HEATR9: variants seen among roughly 807,000 people sequenced by gnomAD.
The protein encoded by HEATR9 is HEAT repeat containing 9.
A neutral mutation model predicts 68.2 loss-of-function variants in HEATR9; 54 were observed. The ratio of observed to expected loss-of-function variants is 0.79; its 90% CI spans 0.64 to 0.99. The LOEUF (loss-of-function observed/expected upper bound fraction) is 0.99, where lower values mean the gene tolerates loss of function less well. Among genes scored for constraint, HEATR9 ranks in the 50% least tolerant of loss-of-function variants. HEATR9 has a pLI of 0.00. For missense variants in HEATR9, 662 were observed against 679.7 expected, an observed-to-expected ratio of 0.97 and a Z score of 0.29; for synonymous variants, 241 against 253.5, an observed-to-expected ratio of 0.95 and a Z score of 0.47.
rs371992105 is a variant in HEATR9, at chr17:35,857,525, C to T, written c.1152+675G>A. On this transcript the variant is annotated intron_variant, in intron 11 of 14. Coordinates refer to ENST00000604834, the MANE Select transcript of HEATR9 (RefSeq NM_152781.4). ...CTGTAATCCCAGCACTTTGGGAGGC[C>T]GAGGTGGGCAGATCACGAGGTCAGG... is the stretch of plus-strand genomic sequence containing the variant. 1.5e-4 allele frequency among the ~76,000 whole-genome samples: 23 copies of T among 152,126 alleles called. No homozygotes were observed. The East Asian group carries it at 2.7e-3, about 18-fold the overall frequency.
At chr17:35,867,428 CAAAAAAAAAAAA>C (rs11315915) in intron 1 of HEATR9, among the ~76,000 whole-genome samples, 7 of 40,086 alleles carry the variant, frequency 1.7e-4, no homozygotes, top group African/African-American at 7.7e-4. Context: ...GAGCAAGACT[CAAAAAAAAAAAA>C]AAAAAAAAAA....
intron 9 of HEATR9, 89 bp downstream of exon 9, chr17:35,858,799 T>A (rs963400489): frequency 1.4e-6 from 2 of 1,431,124 alleles, no homozygotes; most frequent in Non-Finnish European, 1.9e-6. Context: ...CCTGCAGTGC[T>A]CCACCACCAG....
At chr17:35,863,969 T>C (rs2088097622) in intron 6 of HEATR9, 2 of 554,970 alleles carry the variant, frequency 3.6e-6, no homozygotes, top group Non-Finnish European at 6.4e-6. Context: ...GAGAATGTAC[T>C]CTGTTCTGGC....
At chr17:35,861,085 A>G (rs1598590367) in intron 8 of HEATR9, 3 of 943,876 alleles carry the variant, frequency 3.2e-6, no homozygotes, top group African/African-American at 3.2e-5. Flanking sequence ...TTAAAGAAGC[A>G]TCCTCTTGTC....
At position 35,856,747 on chromosome 17, in the gene HEATR9, A is replaced by G. The variant is rs745781538; in HGVS notation, c.1211T>C (p.Met404Thr). ...GGCCACTCACGCCTCCACCAAGTTC[A>G]TCATCGTAGGCTTCAACTTGAGCTC... ...VEELKLKPTMMNLVEAQLMNP... is the reference protein window; with the variant it reads ...VEELKLKPTMTNLVEAQLMNP... The change falls in exon 12 of 15, where the codon ATG becomes ACG. Residue 404 changes from methionine (M) to threonine (T), a missense_variant. By Grantham distance (81) the Met-to-Thr change is moderately conservative. Transcript: ENST00000604834. The G allele has an allele frequency of 6.2e-7, 1 of 1,605,232 alleles. No homozygotes were observed. The highest frequency in any genetic ancestry group is 8.5e-7 in the Non-Finnish European group (1 of 1,175,818).
chr17:35,858,156 A>C (rs771804098), intron 11 of HEATR9, 44 bp downstream of exon 11: 2 of 1,613,028 alleles, frequency 1.2e-6, no homozygotes, highest in Non-Finnish European at 1.7e-6. Flanking sequence ...GGAAAAGAGA[A>C]AGGTTTGGGT....
rs2088127861 is a variant in HEATR9 at position 35,864,649 on chromosome 17, C to A, written c.454-96G>T. On this transcript the variant is annotated intron_variant, in intron 4 of 14. Coordinates refer to ENST00000604834, the MANE Select transcript of HEATR9 (RefSeq NM_152781.4). ...ATCCAATCCAATCCCTTTTCCTACC[C>A]TACCTCTGTTTTTCAGGCAAGGACT... is the stretch of plus-strand genomic sequence containing the variant. The A allele has an allele frequency of 1.9e-6, 3 of 1,587,596 alleles. No homozygotes were observed. In the South Asian group the frequency reaches 3.4e-5, roughly 18 times the overall value.
At position 35,868,562 on chromosome 17, in the gene HEATR9, C is replaced by T. The variant is rs1053270328; in HGVS notation, c.88+93G>A. The T allele has an allele frequency of 8.3e-6, 13 of 1,567,096 alleles. No individual in the cohort carries two copies. The African/African-American group carries it at 1.8e-4, about 21-fold the overall frequency. ...TGATGTTTCCCAAGGGTTTGCTGAA[C>T]TCACCTAGACCCTTGCCTGGGAGTG... On this transcript the variant is annotated intron_variant, in intron 1 of 14. Coordinates refer to ENST00000604834, the MANE Select transcript of HEATR9 (RefSeq NM_152781.4).
chr17:35,860,784 C>G (rs531665626), intron 8 of HEATR9, among the ~76,000 whole-genome samples: 1 of 151,992 alleles, frequency 6.6e-6, no homozygotes, highest in Non-Finnish European at 1.5e-5. Flanking sequence ...CCACCATGCC[C>G]GGCCTATTTA....
rs779945038 is a variant in HEATR9 at position 35,859,024 on chromosome 17, GTC to G, written c.801_802del (p.Gln267HisfsTer9). Reference sequence around the variant, plus strand: ...TTCACTGGACGACTTCTTGATCAGTGTCTGTAGTACAGGCACCAGCTTGCCCT... The same window carrying G: ...TTCACTGGACGACTTCTTGATCAGTGTGTAGTACAGGCACCAGCTTGCCCT... On this transcript the variant is annotated frameshift_variant, in exon 9 of 15. Coordinates refer to ENST00000604834, the MANE Select transcript of HEATR9 (RefSeq NM_152781.4). LOFTEE classifies it high-confidence loss of function. 6.2e-7 allele frequency: 1 copy of G among 1,614,220 alleles called. No homozygotes were observed. The highest frequency in any genetic ancestry group is 1.1e-5 in the South Asian group (1 of 91,084).
chr17:35,855,192 T>C lies in HEATR9; in HGVS notation c.1584A>G (p.Val528=). Residue 528 remains valine, a synonymous_variant, in exon 15 of 15, where the codon GTA becomes GTG. Coordinates refer to ENST00000604834, the MANE Select transcript of HEATR9 (RefSeq NM_152781.4). The stretch of plus-strand genomic sequence containing the variant: ...GGAAAGCAGGCGTTTTCTTTTGGCC[T>C]ACTTTGGTGATGGACTTTGCAATAA... The part of the protein sequence containing the change: ...PLFIAKSITK[V]GQKKTPAFPP... The C allele has an allele frequency of 6.2e-7, 1 of 1,614,212 alleles. No homozygotes were observed. Among genetic ancestry groups the C allele is most frequent in the Admixed American group, 1.7e-5 (1 of 60,026 alleles).
At chr17:35,863,188 C>A in intron 7 of HEATR9, 63 bp from the exon 8 acceptor site, 1 of 1,601,256 alleles carries the variant, frequency 6.2e-7, no homozygotes, top group Non-Finnish European at 8.5e-7. Flanking sequence ...CTGCAAGGAC[C>A]CATTGAACTC....
At chr17:35,867,250 G>A (rs1029470865) in intron 1 of HEATR9, among the ~76,000 whole-genome samples, 1 of 151,888 alleles carries the variant, frequency 6.6e-6, no homozygotes, top group Non-Finnish European at 1.5e-5. Flanking sequence ...GACAGAGCGA[G>A]ACTCCGTCTC....
intron 1 of HEATR9, 89 bp from the exon 2 acceptor site, chr17:35,866,862 C>G: frequency 7.6e-7 from 1 of 1,320,852 alleles, no homozygotes; most frequent in Non-Finnish European, 1.1e-6. Context: ...AATCCCAGCA[C>G]TTTGGGAAGC....
intron 14 of HEATR9, 82 bp from the exon 15 acceptor site, chr17:35,855,492 G>T: frequency 7.1e-7 from 1 of 1,399,618 alleles, no homozygotes; most frequent in Non-Finnish European, 1.0e-6. Context: ...CCAAAGTAGG[G>T]GGGAATTCTA....
At chr17:35,859,104 C>T (rs2087884491) in intron 8 of HEATR9, 34 bp from the exon 9 acceptor site, 1 of 1,586,438 alleles carries the variant, frequency 6.3e-7, no homozygotes, top group Non-Finnish European at 8.6e-7. Context: ...AGGGGAGGGG[C>T]TATGTACTTT....
chr17:35,861,119 C>T, intron 8 of HEATR9: 1 of 1,173,226 alleles, frequency 8.5e-7, no homozygotes, highest in East Asian at 2.3e-5. Flanking sequence ...AACTGTTGTA[C>T]CATTTTCTCT....
intron 8 of HEATR9, chr17:35,861,280 ACT>A: frequency 7.1e-7 from 1 of 1,410,316 alleles, no homozygotes; most frequent in Non-Finnish European, 1.0e-6. Context: ...GATCTCTTCA[ACT>A]CTCTTCATTG....
rs1280731337 is a variant in HEATR9, at chr17:35,865,198, A to T, written c.320+17T>A. ...GATGTGGAGGGTGAGAAGAATATGG[A>T]GGCCAGCAAAACACACCTACAGTCA... is the stretch of plus-strand genomic sequence containing the variant. On this transcript the variant is annotated intron_variant, in intron 3 of 14. Coordinates refer to ENST00000604834, the MANE Select transcript of HEATR9 (RefSeq NM_152781.4). 6.2e-7 allele frequency: 1 copy of T among 1,608,762 alleles called. No individual in the cohort carries two copies. The highest frequency in any genetic ancestry group is 1.1e-5 in the South Asian group (1 of 89,648).
Sources: gnomAD v4.1 joint callset for allele counts (sites outside exome capture counted in the v4.1 genomes callset) on GRCh38, gnomAD v4.1.1 for gene constraint, MANE v1.5 for transcripts, NCBI Gene and HGNC (gene_info 2026-07-23, HGNC 2026-07-21) for gene names.